The following SEMA6D variants were observed in gnomAD, a reference collection of about 807,000 sequenced individuals.
SEMA6D encodes semaphorin 6D, also known as semaphorin-6D.
SEMA6D carries 35 observed loss-of-function variants against 106.6 expected under a neutral mutation model. The ratio of observed to expected loss-of-function variants is 0.33; its 90% CI spans 0.25 to 0.44. The LOEUF is 0.44. SEMA6D is among the 20% of genes least tolerant of loss of function. The pLI is 1.00. For missense variants in SEMA6D, 1,185 were observed against 1,345.9 expected (o/e 0.88, Z 1.87); for synonymous variants, 499 against 487.7 (o/e 1.02, Z -0.31).
intron 3 of SEMA6D, among the ~76,000 whole-genome samples, chr15:47,519,804 C>G (rs2044510955): frequency 6.6e-6 from 1 of 152,192 alleles, no homozygotes; most frequent in Admixed American, 6.5e-5. Context: ...TTTCCTTCCT[C>G]TTGGGGAAGT....
intron 1 of SEMA6D, among the ~76,000 whole-genome samples, chr15:47,366,243 T>C (rs1222553600): frequency 5.3e-5 from 8 of 152,238 alleles, no homozygotes; most frequent in African/African-American, 1.4e-4. Flanking sequence ...TTATTGTTGA[T>C]ACCAGGCTGT....
intron 1 of SEMA6D, among the ~76,000 whole-genome samples, chr15:47,211,869 A>G (rs2030050012): frequency 6.6e-6 from 1 of 152,128 alleles, no homozygotes; most frequent in Non-Finnish European, 1.5e-5. Flanking sequence ...ATTATTGATT[A>G]TTTAATAATT....
intron 4 of SEMA6D, among the ~76,000 whole-genome samples, chr15:47,699,260 A>G (rs1435174163): frequency 3.9e-5 from 6 of 152,324 alleles, no homozygotes; most frequent in Non-Finnish European, 7.4e-5. Flanking sequence ...GTCAAAGAGC[A>G]AGACAACTAA....
intron 1 of SEMA6D, among the ~76,000 whole-genome samples, chr15:47,233,427 A>G (rs2032341140): frequency 6.6e-6 from 1 of 151,948 alleles, no homozygotes; most frequent in South Asian, 2.1e-4. Flanking sequence ...GGATTTTTGA[A>G]TTTTCATATG....
At chr15:47,390,810 C>G (rs532196756) in intron 1 of SEMA6D, among the ~76,000 whole-genome samples, 3 of 152,180 alleles carry the variant, frequency 2.0e-5, no homozygotes, top group African/African-American at 7.2e-5. Context: ...TTTTTACTAG[C>G]TTTGGAATCT....
intron 1 of SEMA6D, among the ~76,000 whole-genome samples, chr15:47,412,198 C>G (rs928450440): frequency 6.6e-6 from 1 of 151,808 alleles, no homozygotes; most frequent in Non-Finnish European, 1.5e-5. Flanking sequence ...TAATCAGTCT[C>G]ATAGTTAGGG....
chr15:47,203,256 A>G (rs185096719), intron 1 of SEMA6D, among the ~76,000 whole-genome samples: 64 of 152,088 alleles, frequency 4.2e-4, no homozygotes, highest in African/African-American at 1.2e-3. Flanking sequence ...CCCACCCCCA[A>G]TTGCATGGAG....
intron 1 of SEMA6D, among the ~76,000 whole-genome samples, chr15:47,323,788 G>A (rs1024667456): frequency 7.2e-5 from 11 of 151,928 alleles, no homozygotes; most frequent in Admixed American, 3.3e-4. Flanking sequence ...AAGTTAATAC[G>A]AAAAGAAAAA....
chr15:47,430,028 A>G (rs951117171), intron 2 of SEMA6D, among the ~76,000 whole-genome samples: 2 of 152,114 alleles, frequency 1.3e-5, no homozygotes, highest in Non-Finnish European at 2.9e-5. Context: ...GGCTCTTCCT[A>G]TGTGCTTTCC....
intron 1 of SEMA6D, among the ~76,000 whole-genome samples, chr15:47,267,631 G>A (rs1176745921): frequency 3.9e-5 from 6 of 152,032 alleles, no homozygotes; most frequent in Admixed American, 1.3e-4. Flanking sequence ...TCTGGTTTTT[G>A]TTGTTAAAAG....
intron 1 of SEMA6D, among the ~76,000 whole-genome samples, chr15:47,411,171 C>G (rs1351205795): frequency 6.6e-6 from 1 of 152,128 alleles, no homozygotes; most frequent in East Asian, 1.9e-4. Flanking sequence ...TCTCGGCTCA[C>G]TGCAACCTCG....
At chr15:47,373,219 G>A (rs984183512) in intron 1 of SEMA6D, among the ~76,000 whole-genome samples, 6 of 152,184 alleles carry the variant, frequency 3.9e-5, no homozygotes, top group Non-Finnish European at 8.8e-5. Context: ...CTCAGGTGCT[G>A]TTGATATGGC....
At chr15:47,506,028 G>A (rs1332396459) in intron 3 of SEMA6D, among the ~76,000 whole-genome samples, 2 of 152,152 alleles carry the variant, frequency 1.3e-5, no homozygotes, top group Non-Finnish European at 2.9e-5. Flanking sequence ...AACTCTACCC[G>A]AGGAACAAAG....
intron 4 of SEMA6D, among the ~76,000 whole-genome samples, chr15:47,646,388 T>C (rs781153228): frequency 2.0e-5 from 3 of 152,196 alleles, no homozygotes; most frequent in African/African-American, 2.4e-5. Context: ...AGTGCCTACC[T>C]AGACATGAGA....
intron 4 of SEMA6D, among the ~76,000 whole-genome samples, chr15:47,679,241 G>A (rs955044689): frequency 5.9e-5 from 9 of 152,188 alleles, no homozygotes; most frequent in African/African-American, 2.2e-4. Context: ...CCAGACCTGG[G>A]ACTGAGCTCT....
intron 3 of SEMA6D, among the ~76,000 whole-genome samples, chr15:47,516,959 G>A (rs533227999): frequency 1.7e-3 from 257 of 152,276 alleles, no homozygotes; most frequent in Non-Finnish European, 3.0e-3. Flanking sequence ...CTTATTGACA[G>A]ATGTGCTGAA....
chr15:47,306,618 G>A (rs7165697), intron 1 of SEMA6D, among the ~76,000 whole-genome samples: 80,233 of 152,028 alleles, frequency 0.53, 22,352 homozygotes, highest in East Asian at 0.75. Context: ...AGGAGGCTGA[G>A]GCAGGAGAAT....
chr15:47,631,412 C>T (rs973626330), intron 4 of SEMA6D, among the ~76,000 whole-genome samples: 1 of 151,264 alleles, frequency 6.6e-6, no homozygotes, highest in South Asian at 2.1e-4. Context: ...ATAATGGCCC[C>T]CAAAGATATC....
intron 1 of SEMA6D, among the ~76,000 whole-genome samples, chr15:47,276,706 A>G (rs991781521): frequency 3.3e-5 from 5 of 152,172 alleles, no homozygotes; most frequent in Non-Finnish European, 7.4e-5. Context: ...AAGGAGGTTA[A>G]TGTTTTCATG....
Sources: gnomAD v4.1 joint callset for allele counts (sites outside exome capture counted in the v4.1 genomes callset) on GRCh38, gnomAD v4.1.1 for gene constraint, MANE v1.5 for transcripts, NCBI Gene and HGNC (gene_info 2026-07-23, HGNC 2026-07-21) for gene names.